The following HPGDS variants were observed in gnomAD, a reference collection of about 807,000 sequenced individuals.
HPGDS encodes hematopoietic prostaglandin D synthase.
A neutral mutation model predicts 23.1 loss-of-function variants in HPGDS; 26 were observed. That is an observed-to-expected ratio of 1.13 (90% CI 0.83 to 1.56). The LOEUF (loss-of-function observed/expected upper bound fraction) is 1.56, where lower values mean the gene tolerates loss of function less well. Ranked by LOEUF, HPGDS falls within the 40% of genes most tolerant of loss-of-function variation. The pLI is 0.00. For synonymous variants in HPGDS, 95 were observed against 77.9 expected (o/e 1.22, Z -1.16); for missense variants, 268 against 236.4 (o/e 1.13, Z -0.88).
At chr4:94,299,823 TTAC>T (rs1756000183) in intron 5 of HPGDS, among the ~76,000 whole-genome samples, 179 bp from the exon 6 acceptor site, 1 of 152,220 alleles carries the variant, frequency 6.6e-6, no homozygotes, top group Admixed American at 6.5e-5. Flanking sequence ...AGCAATCAGG[TTAC>T]TACTATTAAA....
At chr4:94,314,425 G>T (rs1226683788) in intron 3 of HPGDS, among the ~76,000 whole-genome samples, 1 of 152,168 alleles carries the variant, frequency 6.6e-6, no homozygotes, top group Non-Finnish European at 1.5e-5. Context: ...TTTTGCCTGG[G>T]TATCAGCAGC....
At chr4:94,321,234 T>G (rs1756502639) in intron 2 of HPGDS, among the ~76,000 whole-genome samples, 1 of 152,226 alleles carries the variant, frequency 6.6e-6, no homozygotes, top group African/African-American at 2.4e-5. Context: ...TAGGATTGAC[T>G]TGGCAATGCA....
chr4:94,300,613 G>C (rs1448750939), intron 5 of HPGDS, among the ~76,000 whole-genome samples: 1 of 152,146 alleles, frequency 6.6e-6, no homozygotes, highest in African/African-American at 2.4e-5. Context: ...AGCACCTACT[G>C]TGTGCCATGC....
chr4:94,302,365 C>G (rs1053873422), intron 4 of HPGDS, 121 bp from the exon 5 acceptor site: 2 of 675,666 alleles, frequency 3.0e-6, no homozygotes, highest in African/African-American at 3.6e-5. Flanking sequence ...AGAGAAGTAG[C>G]TAGATTTTTT....
At chr4:94,313,833 A>C (rs573946961) in intron 3 of HPGDS, among the ~76,000 whole-genome samples, 1 of 151,986 alleles carries the variant, frequency 6.6e-6, no homozygotes, top group Non-Finnish European at 1.5e-5. Context: ...GGCTTTGTTC[A>C]TTTCTTTTTA....
chr4:94,302,663 A>C (rs917538983), intron 4 of HPGDS, among the ~76,000 whole-genome samples: 1 of 152,096 alleles, frequency 6.6e-6, no homozygotes, highest in Non-Finnish European at 1.5e-5. Flanking sequence ...TCGTAAGGCT[A>C]GACTCTTCTA....
chr4:94,323,618 A>G (rs1159471084), intron 2 of HPGDS, among the ~76,000 whole-genome samples: 1 of 151,946 alleles, frequency 6.6e-6, no homozygotes, highest in African/African-American at 2.4e-5. Context: ...TTTGCTTGGT[A>G]GATCTTCCTC....
In HPGDS at chr4:94,310,527, G is replaced by T. The variant is rs938345998; in HGVS notation, c.227-1784C>A. Among the ~76,000 whole-genome samples, 6 of 152,272 alleles carry T rather than the reference G, an allele frequency of 3.9e-5. 1 individual carries two copies. Among genetic ancestry groups the T allele is most frequent in the African/African-American group, 1.4e-4 (6 of 41,546 alleles). On this transcript the variant is annotated intron_variant, in intron 3 of 5. Coordinates refer to ENST00000295256, the MANE Select transcript of HPGDS (RefSeq NM_014485.3). ...TTTGGTACCAGTACCATGCTGTTTT[G>T]GTTACTGTAGCCTTGTAGTATAGTT...
intron 4 of HPGDS, among the ~76,000 whole-genome samples, chr4:94,305,235 C>G (rs1756118632): frequency 6.6e-6 from 1 of 152,016 alleles, no homozygotes. Context: ...AGTTAAGTGA[C>G]AGCTAGTAAG....
intron 3 of HPGDS, among the ~76,000 whole-genome samples, chr4:94,316,280 T>G (rs1237689198): frequency 6.6e-6 from 1 of 152,174 alleles, no homozygotes; most frequent in Non-Finnish European, 1.5e-5. Flanking sequence ...TATAGCATAT[T>G]GAGAACGGCA....
chr4:94,310,106 T>C (rs1251299290), intron 3 of HPGDS, among the ~76,000 whole-genome samples: 1 of 152,162 alleles, frequency 6.6e-6, no homozygotes, highest in Non-Finnish European at 1.5e-5. Context: ...TGGTAGTTTC[T>C]TTTGCTGTGC....
intron 4 of HPGDS, among the ~76,000 whole-genome samples, chr4:94,304,780 G>A (rs1380822276): frequency 6.6e-6 from 1 of 152,108 alleles, no homozygotes; most frequent in African/African-American, 2.4e-5. Context: ...TGGTATGTAA[G>A]AGAGTTGTTA....
At position 94,310,081 on chromosome 4, in the gene HPGDS, G is replaced by T. The variant is rs959005024; in HGVS notation, c.227-1338C>A. Among the ~76,000 whole-genome samples the T allele has an allele frequency of 1.6e-3, 246 of 152,210 alleles. 1 individual carries two copies. The highest frequency in any genetic ancestry group is 5.6e-3 in the African/African-American group (233 of 41,560). On this transcript the variant is annotated intron_variant, in intron 3 of 5. Coordinates refer to ENST00000295256, the MANE Select transcript of HPGDS (RefSeq NM_014485.3). ...AAAATTTTCTCCCATTCTGTAGGTT[G>T]CCTGTTCACTCTGATGGTAGTTTCT...
At position 94,299,222 on chromosome 4, in the gene HPGDS, C is replaced by A. The variant is rs79345175; in HGVS notation, c.*258G>T. 5.8e-3 allele frequency: 1,893 copies of A among 327,878 alleles called. 30 individuals carry two copies. Among genetic ancestry groups the A allele is most frequent in the African/African-American group, 0.035 (1,657 of 47,696 alleles). The allele number at this position is 327,878 out of a possible 1,614,324, so 20.3% of individuals were successfully genotyped here. On this transcript the variant is annotated 3_prime_UTR_variant, in exon 6 of 6. Coordinates refer to ENST00000295256, the MANE Select transcript of HPGDS (RefSeq NM_014485.3). ...GACTGCAATTCGTGCATGTTAGAAC[C>A]TGTGCAAAGCAAGGTCTGCCTGTAT...
chr4:94,318,472 T>G (rs923131947), intron 2 of HPGDS, among the ~76,000 whole-genome samples: 2 of 152,330 alleles, frequency 1.3e-5, no homozygotes, highest in East Asian at 3.9e-4. Flanking sequence ...CTTATTTAAT[T>G]TCTTCATTGA....
intron 3 of HPGDS, among the ~76,000 whole-genome samples, chr4:94,313,090 C>T (rs1405060347): frequency 6.6e-6 from 1 of 152,130 alleles, no homozygotes; most frequent in East Asian, 1.9e-4. Context: ...ACTCTTTATC[C>T]AATTTGCCAG....
At chr4:94,327,090 G>A (rs1228264105) in intron 2 of HPGDS, among the ~76,000 whole-genome samples, 1 of 152,054 alleles carries the variant, frequency 6.6e-6, no homozygotes, top group Non-Finnish European at 1.5e-5. Flanking sequence ...GGCACTAGTG[G>A]TGGCTACAGT....
chr4:94,324,575 C>T (rs1034637665), intron 2 of HPGDS, among the ~76,000 whole-genome samples: 1 of 152,202 alleles, frequency 6.6e-6, no homozygotes, highest in African/African-American at 2.4e-5. Flanking sequence ...GTGCACGCAT[C>T]ATGATGTTCT....
intron 4 of HPGDS, among the ~76,000 whole-genome samples, chr4:94,307,307 T>TAA (rs762523386): frequency 5.4e-5 from 6 of 110,638 alleles, no homozygotes; most frequent in East Asian, 2.6e-4. Context: ...CAGGAAAACA[T>TAA]AAAAAAAAAA....
Sources: allele counts gnomAD v4.1 joint callset (sites outside exome capture counted in the v4.1 genomes callset), GRCh38; gene constraint gnomAD v4.1.1; transcripts MANE v1.5; gene names NCBI Gene and HGNC (gene_info 2026-07-23, HGNC 2026-07-21).